The following GREB1L variants were observed in gnomAD, a reference collection of about 807,000 sequenced individuals.
GREB1L encodes GREB1 like retinoic acid receptor coactivator, also known as GREB1-like protein.
Under a neutral mutation model 200.8 loss-of-function variants are expected in GREB1L, and 17 were observed. The observed-to-expected ratio is 0.08, with a 90% CI of 0.06 to 0.13. GREB1L has a LOEUF of 0.13. Among genes scored for constraint, GREB1L ranks in the 10% least tolerant of loss-of-function variants. The pLI is 1.00. For synonymous variants in GREB1L, 789 were observed against 893.0 expected, an observed-to-expected ratio of 0.88 and a Z score of 2.08; for missense variants, 1,657 against 2,367.7, an observed-to-expected ratio of 0.70 and a Z score of 6.23.
intron 1 of GREB1L, among the ~76,000 whole-genome samples, chr18:21,310,454 T>C (rs1400884570): frequency 2.0e-5 from 3 of 152,232 alleles, no homozygotes; most frequent in African/African-American, 7.2e-5. Flanking sequence ...TTATATTTTT[T>C]GCAAGTCCTT....
Position 21,343,815 on chromosome 18 carries a change from A to G in GREB1L, c.-119-22212A>G, listed in dbSNP as rs2039303500. ...CAGTGGCACTGTCTTGGCTCAGTGC[A>G]ACCTCTGCCTCCAGGATTCAAGTGA... On this transcript the variant is annotated intron_variant, in intron 1 of 32. Coordinates refer to ENST00000424526, the MANE Select transcript of GREB1L (RefSeq NM_001142966.3). 2.0e-5 allele frequency among the ~76,000 whole-genome samples: 3 copies of G among 147,364 alleles called. No homozygotes were observed. The Admixed American group carries it at 2.1e-4, about 10-fold the overall frequency.
chr18:21,473,121 C>T lies in GREB1L; in HGVS notation c.2273C>T (p.Thr758Ile). ...YVVRLDNEIQ[T>I]KFEVFMRRVK... ...GTTCGTCTAGACAATGAGATTCAAA[C>T]CAAGTTTGAAGTTTTTATGAGGAGA... Residue 758 changes from threonine to isoleucine, a missense_variant, in exon 16 of 33, where the codon ACC (threonine) becomes ATC (isoleucine). Thr to Ile is a moderately conservative substitution (Grantham distance 89). Around this residue, in one of 9 missense-constraint regions of GREB1L, gnomAD observed 239 missense variants for 421.8 expected, o/e 0.57. Coordinates refer to ENST00000424526, the MANE Select transcript of GREB1L (RefSeq NM_001142966.3). The T allele has an allele frequency of 8.4e-6, 13 of 1,550,684 alleles. No individual in the cohort carries two copies. The highest frequency in any genetic ancestry group is 1.0e-5 in the Non-Finnish European group (12 of 1,146,394).
chr18:21,419,934 G>A (rs1164342057), intron 7 of GREB1L, among the ~76,000 whole-genome samples: 1 of 152,208 alleles, frequency 6.6e-6, no homozygotes, highest in Non-Finnish European at 1.5e-5. Flanking sequence ...TATGCAACTT[G>A]TAGAAGAAAA....
At position 21,410,202 on chromosome 18, in the gene GREB1L, C is replaced by T. The variant is rs531067538; in HGVS notation, c.832+6208C>T. Among the ~76,000 whole-genome samples the T allele has an allele frequency of 4.6e-5, 7 of 152,080 alleles. No individual in the cohort carries two copies. In the East Asian group the frequency reaches 9.7e-4, roughly 21 times the overall value. ...TGAGCCTCCTAAGCTCTGCCCCTGT[C>T]ACTAATAGTATGGCTTTTAGGAAGA... is the stretch of plus-strand genomic sequence containing the variant. On this transcript the variant is annotated intron_variant, in intron 7 of 32. Coordinates refer to ENST00000424526, the MANE Select transcript of GREB1L (RefSeq NM_001142966.3).
chr18:21,357,500 T>G (rs2039522844), intron 1 of GREB1L, among the ~76,000 whole-genome samples: 1 of 152,248 alleles, frequency 6.6e-6, no homozygotes, highest in Non-Finnish European at 1.5e-5. Flanking sequence ...ATCTCATTTG[T>G]CTGTTTTTGC....
intron 4 of GREB1L, among the ~76,000 whole-genome samples, chr18:21,390,213 A>T (rs945396038): frequency 2.6e-5 from 4 of 152,148 alleles, no homozygotes; most frequent in Non-Finnish European, 5.9e-5. Context: ...ACACCACATG[A>T]TACTAGGTAA....
intron 6 of GREB1L, among the ~76,000 whole-genome samples, chr18:21,401,561 G>A (rs1363635253): frequency 6.6e-6 from 1 of 152,166 alleles, no homozygotes; most frequent in African/African-American, 2.4e-5. Flanking sequence ...TGGGAAGGGG[G>A]TACAGCTCTC....
Position 21,311,546 on chromosome 18 carries a change from C to T in GREB1L, c.-119-54481C>T, listed in dbSNP as rs963518985. Among the ~76,000 whole-genome samples, 23 of 152,214 alleles carry T rather than the reference C, an allele frequency of 1.5e-4. No individual in the cohort carries two copies. The East Asian group carries it at 1.7e-3, about 12-fold the overall frequency. On this transcript the variant is annotated intron_variant, in intron 1 of 32. Transcript: ENST00000424526. ...GAAAAATGTTAAATTTTGCCCTAAG[C>T]GGCACCCGTCCATCTGCCTACTCAA...
rs1043430269 is a variant in GREB1L at position 21,492,751 on chromosome 18, A to T, written c.3030+2400A>T. Among the ~76,000 whole-genome samples, 4 of 152,108 alleles carry T rather than the reference A, an allele frequency of 2.6e-5. No homozygotes were observed. The East Asian group carries it at 7.7e-4, about 29-fold the overall frequency. On this transcript the variant is annotated intron_variant, in intron 19 of 32. Transcript: ENST00000424526. ...TCTCAAGGCAGTGACATCTTCCTCA[A>T]TTGGTATGAGTAGCTGCCAGGCAAC...
At chr18:21,361,637 G>A (rs1173110201) in intron 1 of GREB1L, among the ~76,000 whole-genome samples, 2 of 151,938 alleles carry the variant, frequency 1.3e-5, no homozygotes, top group Non-Finnish European at 2.9e-5. Flanking sequence ...ATGGTGAAGA[G>A]TAAACCCTTT....
intron 1 of GREB1L, among the ~76,000 whole-genome samples, chr18:21,352,208 T>C (rs998457061): frequency 1.3e-5 from 2 of 152,088 alleles, no homozygotes; most frequent in African/African-American, 4.8e-5. Flanking sequence ...AATATATGAA[T>C]GGGGTATTAA....
At chr18:21,276,276 A>G (rs1382099896) in intron 1 of GREB1L, among the ~76,000 whole-genome samples, 3 of 152,172 alleles carry the variant, frequency 2.0e-5, no homozygotes, top group Non-Finnish European at 2.9e-5. Flanking sequence ...TTTAAGACCC[A>G]TTCTCTGACC....
chr18:21,430,583 T>G (rs2033064139), intron 7 of GREB1L, among the ~76,000 whole-genome samples: 1 of 69,640 alleles, frequency 1.4e-5, no homozygotes. Flanking sequence ...TTTGGGATCT[T>G]TTTTTTTTTT....
chr18:21,493,411 G>C (rs979106580), intron 19 of GREB1L, among the ~76,000 whole-genome samples: 3 of 152,124 alleles, frequency 2.0e-5, no homozygotes, highest in Non-Finnish European at 4.4e-5. Context: ...TGTGTTAAGT[G>C]CTTCTGCAAT....
chr18:21,478,638 A>G (rs1248210065), intron 17 of GREB1L, among the ~76,000 whole-genome samples: 3 of 152,206 alleles, frequency 2.0e-5, no homozygotes, highest in African/African-American at 7.2e-5. Flanking sequence ...TCACTGCCTT[A>G]TGAGAACTAA....
Position 21,454,351 on chromosome 18 carries a change from C to A in GREB1L, c.1985-15C>A. ...TAAATTAACCTTGTTCTTATGACTT[C>A]TCTTTAAATTTTAGATTTAGATAAT... is the stretch of plus-strand genomic sequence containing the variant. On this transcript the variant is annotated splice_polypyrimidine_tract_variant and intron_variant, in intron 14 of 32. Coordinates refer to ENST00000424526, the MANE Select transcript of GREB1L (RefSeq NM_001142966.3). 3.9e-6 allele frequency: 6 copies of A among 1,533,248 alleles called. No homozygotes were observed. The highest frequency in any genetic ancestry group is 5.3e-6 in the Non-Finnish European group (6 of 1,130,874). 95.0% of individuals were successfully genotyped at this position (1,533,248 alleles called of 1,614,324 possible).
chr18:21,381,192 A>C (rs2143987179), intron 2 of GREB1L, among the ~76,000 whole-genome samples: 1 of 152,272 alleles, frequency 6.6e-6, no homozygotes, highest in Non-Finnish European at 1.5e-5. Context: ...CAGTGAGCCG[A>C]GATAGTGCCA....
At chr18:21,502,121 G>A (rs778432953) in intron 23 of GREB1L, among the ~76,000 whole-genome samples, 10 of 152,192 alleles carry the variant, frequency 6.6e-5, no homozygotes, top group Non-Finnish European at 1.3e-4. Flanking sequence ...GGGTGATGGC[G>A]GGTGCCTGTT....
chr18:21,437,968 G>C (rs2033653238), intron 7 of GREB1L, among the ~76,000 whole-genome samples: 1 of 152,168 alleles, frequency 6.6e-6, no homozygotes, highest in Non-Finnish European at 1.5e-5. Context: ...GGCTGTGTTG[G>C]TAAATGTTGA....
Sources: gnomAD v4.1 joint callset for allele counts (sites outside exome capture counted in the v4.1 genomes callset) on GRCh38, gnomAD v4.1.1 for gene constraint, gnomAD v4.1.1 regional missense constraint, MANE v1.5 for transcripts, NCBI Gene and HGNC (gene_info 2026-07-23, HGNC 2026-07-21) for gene names.